Variants in CADM1 observed in about 807,000 individuals in gnomAD.
The protein encoded by CADM1 is TSLC-1.
A neutral mutation model predicts 53.1 loss-of-function variants in CADM1; 15 were observed. That is an observed-to-expected ratio of 0.28 (90% confidence interval 0.19 to 0.44). CADM1 has a LOEUF of 0.44. CADM1 is among the 20% of genes least tolerant of loss of function. The probability of loss-of-function intolerance (pLI) is 1.00; values close to 1 mark genes in which losing one functional copy is unlikely to be tolerated. For missense variants in CADM1, 434 were observed against 611.3 expected, an observed-to-expected ratio of 0.71 and a Z score of 3.06; for synonymous variants, 281 against 243.0, an observed-to-expected ratio of 1.16 and a Z score of -1.45.
intron 1 of CADM1, among the ~76,000 whole-genome samples, chr11:115,391,953 T>C (rs145303316): frequency 6.6e-6 from 1 of 152,236 alleles, no homozygotes; most frequent in African/African-American, 2.4e-5. Flanking sequence ...CAGAATTAAA[T>C]CTGTGTTATT....
At chr11:115,192,178 G>C (rs905363553) in intron 9 of CADM1, among the ~76,000 whole-genome samples, 3 of 152,216 alleles carry the variant, frequency 2.0e-5, no homozygotes, top group African/African-American at 4.8e-5. Context: ...CCTGCATTTT[G>C]TAAGTTGCTT....
chr11:115,223,029 C>T (rs1237247791), intron 5 of CADM1, among the ~76,000 whole-genome samples: 2 of 151,978 alleles, frequency 1.3e-5, no homozygotes, highest in South Asian at 2.1e-4. Flanking sequence ...GACTGGCACA[C>T]AGTAAGCATT....
At chr11:115,299,563 C>A (rs1944165906) in intron 1 of CADM1, among the ~76,000 whole-genome samples, 1 of 152,078 alleles carries the variant, frequency 6.6e-6, no homozygotes, top group African/African-American at 2.4e-5. Flanking sequence ...AAGGTATGTC[C>A]TGTAAATTAG....
At chr11:115,433,267 C>G (rs1202787903) in intron 1 of CADM1, among the ~76,000 whole-genome samples, 7 of 152,154 alleles carry the variant, frequency 4.6e-5, no homozygotes, top group Non-Finnish European at 1.0e-4. Flanking sequence ...GGTATAGACA[C>G]ATACAAAATG....
In CADM1 at chr11:115,221,805, G is replaced by A. The variant is rs181813240; in HGVS notation, c.722-3814C>T. ...GTCACCCTTCCAGGGTAGCAGAGAG[G>A]AGCAGAGCTGAGTCAGTGGAAAAGG... is the stretch of plus-strand genomic sequence containing the variant. On this transcript the variant is annotated intron_variant, in intron 5 of 11. Coordinates refer to ENST00000331581, the MANE Select transcript of CADM1 (RefSeq NM_001301043.2). Among the ~76,000 whole-genome samples, 4 of 152,222 alleles carry A rather than the reference G, an allele frequency of 2.6e-5. No homozygotes were observed. The East Asian group carries it at 7.7e-4, about 29-fold the overall frequency.
At chr11:115,399,180 C>A (rs1351345889) in intron 1 of CADM1, 1 of 152,146 alleles carries the variant, frequency 6.6e-6, no homozygotes, top group African/African-American at 2.4e-5. Flanking sequence ...AAACCTAATA[C>A]AACTCCAAAA....
chr11:115,182,128 G>C (rs1323704859), intron 10 of CADM1, among the ~76,000 whole-genome samples: 1 of 152,218 alleles, frequency 6.6e-6, no homozygotes, highest in African/African-American at 2.4e-5. Flanking sequence ...GTCCCATGAA[G>C]TGCTGGCTTT....
At chr11:115,278,258 GA>G (rs1218484117) in intron 1 of CADM1, among the ~76,000 whole-genome samples, 2 of 152,170 alleles carry the variant, frequency 1.3e-5, no homozygotes, top group African/African-American at 2.4e-5. Flanking sequence ...CTAGCACATA[GA>G]AAATGTTCAG....
At chr11:115,337,765 A>T (rs973639953) in intron 1 of CADM1, among the ~76,000 whole-genome samples, 32 of 152,160 alleles carry the variant, frequency 2.1e-4, no homozygotes, top group Non-Finnish European at 4.0e-4. Flanking sequence ...TGGAGTAGTG[A>T]TAATAATGCT....
At chr11:115,358,158 C>T (rs550988224) in intron 1 of CADM1, among the ~76,000 whole-genome samples, 1 of 152,290 alleles carries the variant, frequency 6.6e-6, no homozygotes, top group African/African-American at 2.4e-5. Flanking sequence ...TGTCATCCTT[C>T]CTATAGCAGC....
At chr11:115,495,936 A>G (rs1017263767) in intron 1 of CADM1, among the ~76,000 whole-genome samples, 1 of 152,184 alleles carries the variant, frequency 6.6e-6, no homozygotes, top group African/African-American at 2.4e-5. Flanking sequence ...GCAGTTCCAC[A>G]TGAGGCCCTC....
At chr11:115,344,848 A>G (rs551752468) in intron 1 of CADM1, among the ~76,000 whole-genome samples, 1 of 152,122 alleles carries the variant, frequency 6.6e-6, no homozygotes, top group African/African-American at 2.4e-5. Flanking sequence ...AGTCATCCTC[A>G]ATGTTTCCCC....
intron 2 of CADM1, among the ~76,000 whole-genome samples, chr11:115,239,353 G>C (rs1456527901): frequency 6.6e-6 from 1 of 152,170 alleles, no homozygotes; most frequent in Non-Finnish European, 1.5e-5. Context: ...AACTGGTCCT[G>C]TGGTTTCCTA....
chr11:115,326,942 G>A (rs894117088), intron 1 of CADM1, among the ~76,000 whole-genome samples: 4 of 151,994 alleles, frequency 2.6e-5, no homozygotes, highest in Admixed American at 1.3e-4. Flanking sequence ...ACTTACCACC[G>A]GGCTATACTT....
intron 1 of CADM1, among the ~76,000 whole-genome samples, chr11:115,478,503 T>C (rs1395552073): frequency 1.3e-5 from 2 of 152,188 alleles, no homozygotes; most frequent in East Asian, 3.9e-4. Context: ...CAAAGCCTAA[T>C]GTATTTACAT....
At chr11:115,294,200 T>C (rs1943985989) in intron 1 of CADM1, among the ~76,000 whole-genome samples, 1 of 152,156 alleles carries the variant, frequency 6.6e-6, no homozygotes, top group African/African-American at 2.4e-5. Flanking sequence ...CACACCCCTC[T>C]AGACTCTTCA....
intron 6 of CADM1, 73 bp downstream of exon 6, chr11:115,217,818 TG>T: frequency 1.1e-6 from 1 of 912,318 alleles, no homozygotes; most frequent in Non-Finnish European, 1.8e-6. Flanking sequence ...GGCCAAGGAC[TG>T]GTGAATGCAC....
intron 1 of CADM1, among the ~76,000 whole-genome samples, chr11:115,503,433 G>C (rs950960583): frequency 6.6e-6 from 1 of 152,152 alleles, no homozygotes; most frequent in Non-Finnish European, 1.5e-5. Flanking sequence ...CGCCCCCTCC[G>C]CCACCCTCGG....
In CADM1 at chr11:115,390,670, T is replaced by TAAAA. The variant is rs750873925; in HGVS notation, c.124+113597_124+113600dup. 2.0e-3 allele frequency among the ~76,000 whole-genome samples: 224 copies of TAAAA among 111,092 alleles called. 1 individual carries two copies. The highest frequency in any genetic ancestry group is 7.3e-3 in the African/African-American group (214 of 29,414). 72.9% of individuals were successfully genotyped at this position (111,092 alleles called of 152,430 possible). A position where few individuals can be genotyped will look rare whatever the true frequency, so the allele number is the denominator to read the frequency against. On this transcript the variant is annotated intron_variant, in intron 1 of 11. Coordinates refer to ENST00000331581, the MANE Select transcript of CADM1 (RefSeq NM_001301043.2). The stretch of plus-strand genomic sequence containing the variant: ...CACCAGCAAAAGGTTAGGCTACTCT[T>TAAAA]AAAAAAAAAAAAAAAAAGGTTGGGG...
Sources: allele counts gnomAD v4.1 joint callset (sites outside exome capture counted in the v4.1 genomes callset), GRCh38; gene constraint gnomAD v4.1.1; transcripts MANE v1.5; gene names NCBI Gene and HGNC (gene_info 2026-07-23, HGNC 2026-07-21).